Variants in GAREM1 observed in about 807,000 individuals in gnomAD.
GAREM1 encodes GRB2-associated and regulator of MAPK protein 1.
Under a neutral mutation model 71.3 loss-of-function variants are expected in GAREM1, and 26 were observed. The observed-to-expected ratio is 0.36, with a 90% CI of 0.27 to 0.51. The LOEUF (loss-of-function observed/expected upper bound fraction) is 0.51, where lower values mean the gene tolerates loss of function less well. Among genes scored for constraint, GAREM1 ranks in the 20% least tolerant of loss-of-function variants. The pLI is 0.95. For synonymous variants in GAREM1, 440 were observed against 433.2 expected, an observed-to-expected ratio of 1.02 and a Z score of -0.20; for missense variants, 1,026 against 1,103.1, an observed-to-expected ratio of 0.93 and a Z score of 0.99.
At chr18:32,325,166 C>T (rs1272749282) in intron 2 of GAREM1, among the ~76,000 whole-genome samples, 1 of 152,100 alleles carries the variant, frequency 6.6e-6, no homozygotes, top group Non-Finnish European at 1.5e-5. Flanking sequence ...ACCATATTGG[C>T]CAGGTTGGTC....
chr18:32,441,393 TAAAG>T (rs1052018370), intron 1 of GAREM1, among the ~76,000 whole-genome samples: 84 of 152,118 alleles, frequency 5.5e-4, no homozygotes, highest in African/African-American at 2.0e-3. Flanking sequence ...ATAATCCATC[TAAAG>T]AAAGAACACT....
intron 2 of GAREM1, among the ~76,000 whole-genome samples, chr18:32,379,233 C>T (rs1250690840): frequency 6.6e-6 from 1 of 152,104 alleles, no homozygotes. Context: ...TTAACTGCCA[C>T]ACTGCCTCGT....
chr18:32,423,005 T>G (rs1256447468), intron 1 of GAREM1, among the ~76,000 whole-genome samples: 4 of 152,208 alleles, frequency 2.6e-5, no homozygotes, highest in Non-Finnish European at 5.9e-5. Context: ...GCCTATTCTA[T>G]AAAATAAATG....
intron 1 of GAREM1, among the ~76,000 whole-genome samples, chr18:32,430,640 G>A (rs2048614902): frequency 6.6e-6 from 1 of 152,164 alleles, no homozygotes; most frequent in Non-Finnish European, 1.5e-5. Flanking sequence ...GTACACAGCA[G>A]CCAGGAGAAG....
At position 32,423,414 on chromosome 18, in the gene GAREM1, C is replaced by T. The variant is rs200261390; in HGVS notation, c.122-30379G>A. Among the ~76,000 whole-genome samples, 6 of 152,316 alleles carry T rather than the reference C, an allele frequency of 3.9e-5. No homozygotes were observed. The East Asian group carries it at 1.2e-3, about 29-fold the overall frequency. ...ATGTGAATGTGAAAACTAGTCACTA[C>T]TTCATTATTCTGTTTATCCTTATAT... On this transcript the variant is annotated intron_variant, in intron 1 of 5. Transcript: ENST00000269209.
rs988213304 is a variant in GAREM1 at position 32,468,165 on chromosome 18, A to G, written c.121+2143T>C. On this transcript the variant is annotated intron_variant, in intron 1 of 5. Coordinates refer to ENST00000269209, the MANE Select transcript of GAREM1 (RefSeq NM_001242409.2). ...TTTAATAGGACTGACATGCTTGTTCAGCAAAGTAGAAATACATTCTAACCA... is the reference window on the plus strand; with the variant it reads ...TTTAATAGGACTGACATGCTTGTTCGGCAAAGTAGAAATACATTCTAACCA... Among the ~76,000 whole-genome samples, 4 of 152,362 alleles carry G rather than the reference A, an allele frequency of 2.6e-5. 1 individual carries two copies. In the East Asian group the frequency reaches 5.8e-4, roughly 22 times the overall value.
At chr18:32,372,081 T>G (rs570255074) in intron 2 of GAREM1, among the ~76,000 whole-genome samples, 8 of 152,302 alleles carry the variant, frequency 5.3e-5, no homozygotes, top group African/African-American at 1.9e-4. Flanking sequence ...TAAAGGTGGA[T>G]CGGATTGCTT....
chr18:32,430,988 G>A (rs1296991576), intron 1 of GAREM1, among the ~76,000 whole-genome samples: 1 of 152,148 alleles, frequency 6.6e-6, no homozygotes, highest in Non-Finnish European at 1.5e-5. Context: ...GTTCAACAGA[G>A]TGATCCTATA....
chr18:32,331,026 T>C (rs2047529425), intron 2 of GAREM1, among the ~76,000 whole-genome samples: 2 of 152,194 alleles, frequency 1.3e-5, no homozygotes, highest in Admixed American at 6.5e-5. Context: ...AGCGCTGTAG[T>C]TCACAAAAAG....
chr18:32,319,477 T>C (rs2047409993), intron 2 of GAREM1, among the ~76,000 whole-genome samples: 1 of 152,224 alleles, frequency 6.6e-6, no homozygotes, highest in Non-Finnish European at 1.5e-5. Context: ...ATATATTGCC[T>C]TTTTAACCTT....
At chr18:32,270,858 T>A (rs2041450657) in intron 4 of GAREM1, among the ~76,000 whole-genome samples, 1 of 150,756 alleles carries the variant, frequency 6.6e-6, no homozygotes, top group African/African-American at 2.4e-5. Flanking sequence ...CTGGACCTGG[T>A]CCAGAGCTAA....
chr18:32,367,799 T>C (rs1171990242), intron 2 of GAREM1, among the ~76,000 whole-genome samples: 1 of 152,002 alleles, frequency 6.6e-6, no homozygotes, highest in Non-Finnish European at 1.5e-5. Context: ...GCCAAGCACC[T>C]TCACAGGAGG....
At chr18:32,359,695 G>A (rs1350310749) in intron 2 of GAREM1, among the ~76,000 whole-genome samples, 1 of 152,080 alleles carries the variant, frequency 6.6e-6, no homozygotes, top group Non-Finnish European at 1.5e-5. Flanking sequence ...AGCACTTTGG[G>A]GGGCTGAGGC....
intron 2 of GAREM1, among the ~76,000 whole-genome samples, chr18:32,310,782 G>A (rs1407220493): frequency 6.8e-6 from 1 of 147,938 alleles, no homozygotes; most frequent in Non-Finnish European, 1.5e-5. Context: ...TTTTTTTTTT[G>A]CAAATAGAAC....
chr18:32,279,571 A>T (rs2041587272), intron 4 of GAREM1, among the ~76,000 whole-genome samples: 1 of 152,204 alleles, frequency 6.6e-6, no homozygotes, highest in Non-Finnish European at 1.5e-5. Flanking sequence ...CAGTTGCAGG[A>T]AAACAAGCTC....
At chr18:32,293,506 A>G (rs624130) in intron 3 of GAREM1, among the ~76,000 whole-genome samples, 46,683 of 152,116 alleles carry the variant, frequency 0.31, 7,610 homozygotes, top group African/African-American at 0.41. Context: ...AAAGATGACA[A>G]ACAAGGAAGA....
intron 2 of GAREM1, among the ~76,000 whole-genome samples, chr18:32,332,607 T>C (rs2047548663): frequency 6.6e-6 from 1 of 152,136 alleles, no homozygotes; most frequent in Non-Finnish European, 1.5e-5. Context: ...CTATCAGTCC[T>C]CTGCTCTCAG....
chr18:32,403,873 A>G (rs1436206280), intron 1 of GAREM1, among the ~76,000 whole-genome samples: 1 of 152,228 alleles, frequency 6.6e-6, no homozygotes. Context: ...TTATGTATTA[A>G]TATTTAAAGG....
intron 1 of GAREM1, among the ~76,000 whole-genome samples, chr18:32,414,896 T>C (rs1260053649): frequency 6.6e-6 from 1 of 151,504 alleles, no homozygotes; most frequent in Non-Finnish European, 1.5e-5. Flanking sequence ...TAGAACACAA[T>C]ACAAAATACC....
Sources: allele counts gnomAD v4.1 joint callset (sites outside exome capture counted in the v4.1 genomes callset), GRCh38; gene constraint gnomAD v4.1.1; transcripts MANE v1.5; gene names NCBI Gene and HGNC (gene_info 2026-07-23, HGNC 2026-07-21).